The following ZNF320 variants were observed in gnomAD, a reference collection of about 807,000 sequenced individuals.
ZNF320 encodes the protein zinc finger protein 320.
ZNF320 carries 2 observed loss-of-function variants against 6.8 expected under a neutral mutation model. The ratio of observed to expected loss-of-function variants is 0.29; its 90% confidence interval spans 0.12 to 0.93. ZNF320 has a LOEUF of 0.93. Ranked by LOEUF, ZNF320 falls within the 40% of genes least tolerant of loss-of-function variation. The probability of loss-of-function intolerance (pLI) is 0.55; values close to 1 mark genes in which losing one functional copy is unlikely to be tolerated. For missense variants in ZNF320, 472 were observed against 611.0 expected, an observed-to-expected ratio of 0.77 and a Z score of 2.40; for synonymous variants, 208 against 203.2, an observed-to-expected ratio of 1.02 and a Z score of -0.20.
the ZNF320 span, among the ~76,000 whole-genome samples, chr19:52,903,797 G>A: frequency 5.8e-4 from 88 of 152,064 alleles, no homozygotes; most frequent in African/African-American, 1.6e-3. Flanking sequence ...CACTTTTACC[G>A]TTTATACCAA....
rs2147794619 is a variant in ZNF320, at chr19:52,876,243, C to T, written c.*4353G>A. On this transcript the variant is annotated 3_prime_UTR_variant, in exon 6 of 6. Transcript: ENST00000682928. ...TTCCTTGATATCTTTATCAAGTACA[C>T]ATCGAAACAACCTAAAATCATTTAT... 6.6e-6 allele frequency: 1 copy of T among 152,292 alleles called. No homozygotes were observed. Among genetic ancestry groups the T allele is most frequent in the East Asian group, 1.9e-4 (1 of 5,188 alleles). The allele number at this position is 152,292 out of a possible 1,614,324, so 9.4% of individuals were successfully genotyped here. A position where few individuals can be genotyped will look rare whatever the true frequency, so the allele number is the denominator to read the frequency against.
Position 52,880,214 on chromosome 19 carries a change from GGCAC to G in ZNF320, c.*378_*381del, listed in dbSNP as rs1304137580. ...ATACAAAAAATTACCCGGGCATGGTGGCACGCACCTGTAGTCCCAGCTACTCAGG... is the reference window on the plus strand; with the variant it reads ...ATACAAAAAATTACCCGGGCATGGTGGCACCTGTAGTCCCAGCTACTCAGG... On this transcript the variant is annotated 3_prime_UTR_variant, in exon 6 of 6. Coordinates refer to ENST00000682928, the MANE Select transcript of ZNF320 (RefSeq NM_001351774.2). 1.2e-5 allele frequency: 2 copies of G among 161,858 alleles called. No individual in the cohort carries two copies. The highest frequency in any genetic ancestry group is 2.7e-5 in the Non-Finnish European group (2 of 74,278). The allele number at this position is 161,858 out of a possible 1,614,324, so 10.0% of individuals were successfully genotyped here.
At chr19:52,867,704 T>C (rs961476276) in intron 5 of ZNF320, among the ~76,000 whole-genome samples, 4 of 152,114 alleles carry the variant, frequency 2.6e-5, no homozygotes, top group African/African-American at 4.8e-5. Flanking sequence ...ATCCGCCTCC[T>C]GGGTTCAAGT....
chr19:52,871,021 C>T (rs146528047), intron 5 of ZNF320, among the ~76,000 whole-genome samples: 18 of 152,098 alleles, frequency 1.2e-4, no homozygotes, highest in South Asian at 6.2e-4. Flanking sequence ...GTGGCACATG[C>T]CTGTAATCCC....
intron 5 of ZNF320, among the ~76,000 whole-genome samples, chr19:52,886,503 C>T (rs577394971): frequency 6.6e-6 from 1 of 152,164 alleles, no homozygotes; most frequent in Non-Finnish European, 1.5e-5. Context: ...GCAACAATAA[C>T]CTCTCCCCAT....
intron 5 of ZNF320, among the ~76,000 whole-genome samples, chr19:52,864,917 G>A (rs891003153): frequency 3.3e-5 from 5 of 152,224 alleles, no homozygotes; most frequent in Non-Finnish European, 5.9e-5. Context: ...GGAGGCTGAG[G>A]CAGAAGAATG....
At chr19:52,867,724 G>A (rs902448232) in intron 5 of ZNF320, among the ~76,000 whole-genome samples, 1 of 152,048 alleles carries the variant, frequency 6.6e-6, no homozygotes, top group Non-Finnish European at 1.5e-5. Context: ...TGATTCTCCT[G>A]TATCAGCCTC....
At chr19:52,888,838 T>C (rs1477012196) in intron 4 of ZNF320, among the ~76,000 whole-genome samples, 1 of 152,176 alleles carries the variant, frequency 6.6e-6, no homozygotes, top group Non-Finnish European at 1.5e-5. Context: ...AATGTGTGTG[T>C]ATGTGTGTGG....
In ZNF320 at chr19:52,877,143, G is replaced by A. The variant is rs954314613; in HGVS notation, c.*3453C>T. On this transcript the variant is annotated 3_prime_UTR_variant, in exon 6 of 6. Transcript: ENST00000682928. ...AGAAAAAGGAAACACATGCGTCCTGGGTCTGGGGACAGGGAGAGTCTAAGG... is the reference window on the plus strand; with the variant it reads ...AGAAAAAGGAAACACATGCGTCCTGAGTCTGGGGACAGGGAGAGTCTAAGG... The A allele has an allele frequency of 6.6e-6, 1 of 152,296 alleles. No homozygotes were observed. Among genetic ancestry groups the A allele is most frequent in the Non-Finnish European group, 1.5e-5 (1 of 68,140 alleles). The allele number at this position is 152,296 out of a possible 1,614,324, so 9.4% of individuals were successfully genotyped here. A position where few individuals can be genotyped will look rare whatever the true frequency, so the allele number is the denominator to read the frequency against.
downstream of ZNF320, among the ~76,000 whole-genome samples, chr19:52,871,601 A>G (rs1490205859): frequency 6.6e-6 from 1 of 152,182 alleles, no homozygotes; most frequent in Non-Finnish European, 1.5e-5. Context: ...GATGGCATCA[A>G]TCCCAAACAT....
At chr19:52,870,202 C>T (rs2063654536) in intron 5 of ZNF320, among the ~76,000 whole-genome samples, 1 of 151,760 alleles carries the variant, frequency 6.6e-6, no homozygotes, top group Non-Finnish European at 1.5e-5. Flanking sequence ...TTAAAATAGC[C>T]AGGTGCGGTG....
intron 3 of ZNF320, 24 bp from the exon 4 acceptor site, chr19:52,890,352 T>A: frequency 6.7e-7 from 1 of 1,500,782 alleles, no homozygotes; most frequent in Non-Finnish European, 9.1e-7. Context: ...ATATGTTGTT[T>A]ATCACTGAGA....
chr19:52,887,357 T>A (rs1248766724), intron 5 of ZNF320, among the ~76,000 whole-genome samples: 1 of 152,228 alleles, frequency 6.6e-6, no homozygotes, highest in African/African-American at 2.4e-5. Context: ...AGGACCATGA[T>A]GTGCTGGAGC....
chr19:52,900,643 A>G (rs924800184), upstream of ZNF320, among the ~76,000 whole-genome samples: 3 of 152,146 alleles, frequency 2.0e-5, no homozygotes, highest in Non-Finnish European at 4.4e-5. Flanking sequence ...AGCATTTTTC[A>G]ACTTCTTTTT....
chr19:52,904,179 G>A, the ZNF320 span, among the ~76,000 whole-genome samples: 1 of 152,234 alleles, frequency 6.6e-6, no homozygotes, highest in Admixed American at 6.5e-5. Flanking sequence ...ATCCTCCGTG[G>A]GGGCCTGCTA....
chr19:52,875,454 G>A (rs2063749316), downstream of ZNF320, among the ~76,000 whole-genome samples: 1 of 152,202 alleles, frequency 6.6e-6, no homozygotes, highest in Non-Finnish European at 1.5e-5. Context: ...GATGATTTGA[G>A]TCTAATCCCG....
chr19:52,860,687 A>C (rs902057703), downstream of ZNF320, among the ~76,000 whole-genome samples: 1 of 152,144 alleles, frequency 6.6e-6, no homozygotes, highest in African/African-American at 2.4e-5. Flanking sequence ...TTTTAGAAGC[A>C]TAGATTGTCA....
chr19:52,866,900 T>C (rs1474816585), intron 5 of ZNF320, among the ~76,000 whole-genome samples: 3 of 137,300 alleles, frequency 2.2e-5, no homozygotes, highest in Admixed American at 1.5e-4. Context: ...AGAAAAGAAA[T>C]GACTAACAGT....
the ZNF320 span, among the ~76,000 whole-genome samples, chr19:52,903,655 T>A: frequency 1.3e-5 from 2 of 151,982 alleles, no homozygotes; most frequent in South Asian, 4.1e-4. Flanking sequence ...TTCTTGAAAT[T>A]CTTTAACATA....
Sources: allele counts gnomAD v4.1 joint callset (sites outside exome capture counted in the v4.1 genomes callset), GRCh38; gene constraint gnomAD v4.1.1; transcripts MANE v1.5; gene names NCBI Gene and HGNC (gene_info 2026-07-23, HGNC 2026-07-21).